IL1RAPL1: variants seen among roughly 807,000 people sequenced by gnomAD.
IL1RAPL1 encodes the protein interleukin 1 receptor accessory protein like 1.
IL1RAPL1 carries 3 observed loss-of-function variants against 48.4 expected under a neutral mutation model. The ratio of observed to expected loss-of-function variants is 0.06; its 90% CI spans 0.03 to 0.16. The LOEUF is 0.16. IL1RAPL1 is among the 10% of genes least tolerant of loss of function. The pLI, the probability that IL1RAPL1 is intolerant of heterozygous loss-of-function variation, is 1.00. For synonymous variants in IL1RAPL1, 185 were observed against 187.7 expected, an observed-to-expected ratio of 0.99 and a Z score of 0.12; for missense variants, 349 against 530.6, an observed-to-expected ratio of 0.66 and a Z score of 3.36.
At chrX:28,630,513 A>T (rs1349076808) in intron 1 of IL1RAPL1, among the ~76,000 whole-genome samples, 1 of 111,461 alleles carries the variant, frequency 9.0e-6, no homozygotes, top group Non-Finnish European at 1.9e-5. Context: ...ACTTTTACTC[A>T]ACCCGTCTGC....
chrX:28,930,927 C>T (rs904606616), intron 2 of IL1RAPL1, among the ~76,000 whole-genome samples: 11 of 110,783 alleles, frequency 9.9e-5, no homozygotes, highest in Non-Finnish European at 1.9e-4. Flanking sequence ...AAGCGTGAGC[C>T]ACCGCGCCCA....
chrX:29,494,103 A>G (rs1935188612), intron 5 of IL1RAPL1, among the ~76,000 whole-genome samples: 1 of 109,403 alleles, frequency 9.1e-6, no homozygotes. Context: ...GGGTTTCACC[A>G]TATTGGTCAG....
At chrX:29,582,369 AT>A (rs1377674883) in intron 5 of IL1RAPL1, among the ~76,000 whole-genome samples, 5 of 104,807 alleles carry the variant, frequency 4.8e-5, no homozygotes, top group South Asian at 4.1e-4. Flanking sequence ...TTATTTTTTT[AT>A]TTTTTTATTT....
chrX:29,623,247 A>C (rs188612387), intron 5 of IL1RAPL1, among the ~76,000 whole-genome samples: 626 of 107,411 alleles, frequency 5.8e-3, no homozygotes, highest in Non-Finnish European at 9.2e-3. Flanking sequence ...GCGCCACTGC[A>C]CTCCAGCCTG....
chrX:29,000,261 G>A (rs1342690274), intron 2 of IL1RAPL1, among the ~76,000 whole-genome samples: 3 of 111,697 alleles, frequency 2.7e-5, no homozygotes, highest in Non-Finnish European at 3.8e-5. Flanking sequence ...GGATTAGGTG[G>A]CACCATGGGA....
intron 1 of IL1RAPL1, chrX:28,659,389 G>A (rs2146908083): frequency 1.8e-6 from 1 of 545,265 alleles, no homozygotes; most frequent in Non-Finnish European, 3.4e-6. Flanking sequence ...GCGCACTCTT[G>A]CAAGCGGCTT....
intron 6 of IL1RAPL1, among the ~76,000 whole-genome samples, chrX:29,839,501 T>G (rs1315879614): frequency 8.9e-6 from 1 of 112,830 alleles, no homozygotes; most frequent in Non-Finnish European, 1.9e-5. Context: ...CATATTAATC[T>G]GCTGAAGCTA....
At chrX:29,915,390 A>G (rs1400993112) in intron 6 of IL1RAPL1, among the ~76,000 whole-genome samples, 7 of 112,058 alleles carry the variant, frequency 6.2e-5, no homozygotes, top group African/African-American at 1.6e-4. Context: ...ATATCATGCC[A>G]TATTAGAAAT....
chrX:29,631,437 AT>A (rs1339530075), intron 5 of IL1RAPL1, among the ~76,000 whole-genome samples: 2 of 109,975 alleles, frequency 1.8e-5, no homozygotes, highest in African/African-American at 6.6e-5. Context: ...ATGCCCAGCT[AT>A]TTTTTTCTAT....
At chrX:29,197,393 A>G (rs1342803343) in intron 2 of IL1RAPL1, among the ~76,000 whole-genome samples, 1 of 111,627 alleles carries the variant, frequency 9.0e-6, no homozygotes, top group African/African-American at 3.3e-5. Flanking sequence ...TATTTGATTC[A>G]TACTGCCCAT....
intron 2 of IL1RAPL1, among the ~76,000 whole-genome samples, chrX:28,824,032 G>A (rs753185801): frequency 9.0e-6 from 1 of 111,550 alleles, no homozygotes; most frequent in Non-Finnish European, 1.9e-5. Flanking sequence ...CCCTCTGCCT[G>A]TTTAAAAATG....
chrX:29,061,407 C>T (rs751060844), intron 2 of IL1RAPL1, among the ~76,000 whole-genome samples: 11 of 111,607 alleles, frequency 9.9e-5, no homozygotes, highest in Admixed American at 7.6e-4. Context: ...GTGAAGGTAT[C>T]GATGCTATAT....
chrX:29,385,195 C>A (rs1285834120), intron 3 of IL1RAPL1, among the ~76,000 whole-genome samples: 1 of 112,430 alleles, frequency 8.9e-6, no homozygotes, highest in Admixed American at 9.4e-5. Flanking sequence ...TGGCTCAAGC[C>A]TGTAATCCCA....
chrX:29,358,305 G>A (rs1416446888), intron 3 of IL1RAPL1, among the ~76,000 whole-genome samples: 2 of 110,664 alleles, frequency 1.8e-5, no homozygotes, highest in East Asian at 2.8e-4. Flanking sequence ...TCTCTGGGGT[G>A]TCATTTTTTG....
intron 1 of IL1RAPL1, among the ~76,000 whole-genome samples, chrX:28,785,958 A>G (rs1174382371): frequency 9.0e-6 from 1 of 111,656 alleles, no homozygotes; most frequent in Non-Finnish European, 1.9e-5. Flanking sequence ...AATAGCAACC[A>G]TATCCAGTCT....
intron 5 of IL1RAPL1, among the ~76,000 whole-genome samples, chrX:29,651,504 G>C (rs1209934023): frequency 9.0e-6 from 1 of 111,391 alleles, no homozygotes; most frequent in Non-Finnish European, 1.9e-5. Context: ...AAGTTTAAGT[G>C]AAAGATCCCA....
chrX:29,660,060 G>A (rs151129846), intron 5 of IL1RAPL1, among the ~76,000 whole-genome samples: 329 of 111,006 alleles, frequency 3.0e-3, no homozygotes, highest in Non-Finnish European at 5.1e-3. Flanking sequence ...GACAGCGAAG[G>A]GGGAAGTGCT....
At chrX:28,657,493 AG>A (rs1934762998) in intron 1 of IL1RAPL1, among the ~76,000 whole-genome samples, 1 of 112,607 alleles carries the variant, frequency 8.9e-6, no homozygotes, top group Non-Finnish European at 1.9e-5. Context: ...CTGATAAAAA[AG>A]GTTTAACTAT....
At chrX:29,080,990 T>TCTC (rs1569232777) in intron 2 of IL1RAPL1, among the ~76,000 whole-genome samples, 20 of 28,160 alleles carry the variant, frequency 7.1e-4, no homozygotes, top group East Asian at 3.0e-3. Context: ...CTTTCTTTCT[T>TCTC]TCTTTCTCTC....
Sources: gnomAD v4.1 joint callset for allele counts (sites outside exome capture counted in the v4.1 genomes callset) on GRCh38, gnomAD v4.1.1 for gene constraint, MANE v1.5 for transcripts, NCBI Gene and HGNC (gene_info 2026-07-23, HGNC 2026-07-21) for gene names.